MICOS10: variants seen among roughly 807,000 people sequenced by gnomAD.
MICOS10 encodes the protein mitochondrial contact site and cristae organizing system subunit 10.
MICOS10 carries 5 observed loss-of-function variants against 13.4 expected under a neutral mutation model. The ratio of observed to expected loss-of-function variants is 0.37; its 90% CI spans 0.20 to 0.78. The LOEUF (loss-of-function observed/expected upper bound fraction) is 0.78, where lower values mean the gene tolerates loss of function less well. Among genes scored for constraint, MICOS10 ranks in the 30% least tolerant of loss-of-function variants. The pLI is 0.47. For missense variants in MICOS10, 101 were observed against 94.6 expected (o/e 1.07, Z -0.28); for synonymous variants, 35 against 33.6 (o/e 1.04, Z -0.15).
At chr1:19,607,915 A>G (rs2094841484) in intron 1 of MICOS10, among the ~76,000 whole-genome samples, 2 of 152,214 alleles carry the variant, frequency 1.3e-5, no homozygotes, top group South Asian at 2.1e-4. Context: ...ACCCATACAT[A>G]CATGGTCAAT....
chr1:19,617,392 A>G, intron 1 of MICOS10: 1 of 797,848 alleles, frequency 1.3e-6, no homozygotes, highest in Non-Finnish European at 1.5e-6. Context: ...GCTCTTTGTC[A>G]GTGTTGACTT....
chr1:19,622,985 G>T (rs1012364218), intron 2 of MICOS10, among the ~76,000 whole-genome samples: 2 of 145,982 alleles, frequency 1.4e-5, no homozygotes. Context: ...GCAGTGGTGC[G>T]ATCTCAGCTC....
At chr1:19,624,379 C>T (rs182265717) in intron 3 of MICOS10, among the ~76,000 whole-genome samples, 30 of 152,066 alleles carry the variant, frequency 2.0e-4, no homozygotes, top group African/African-American at 5.8e-4. Context: ...CTCTGCCTCC[C>T]GGGTTCAAGC....
intron 1 of MICOS10, chr1:19,614,675 TC>T (rs1214052956): frequency 2.0e-5 from 3 of 152,272 alleles, no homozygotes; most frequent in Non-Finnish European, 4.4e-5. Context: ...AAAATGCTCT[TC>T]CTTTCCAAGC....
At position 19,621,184 on chromosome 1, in the gene MICOS10, C is replaced by G. The variant is rs530328009; in HGVS notation, c.65-916C>G. 7.9e-5 allele frequency among the ~76,000 whole-genome samples: 12 copies of G among 152,270 alleles called. No homozygotes were observed. The South Asian group carries it at 2.5e-3, about 32-fold the overall frequency. On this transcript the variant is annotated intron_variant, in intron 1 of 3. Coordinates refer to ENST00000322753, the MANE Select transcript of MICOS10 (RefSeq NM_001032363.4). ...ACAGCAGAGTCTTGCCAAGGAATAT[C>G]AGTATCAATGGCTTCCATGTCCCTG...
intron 1 of MICOS10, among the ~76,000 whole-genome samples, chr1:19,617,674 A>C (rs554328740): frequency 1.1e-4 from 17 of 152,330 alleles, no homozygotes; most frequent in African/African-American, 3.6e-4. Context: ...ATAAAAGCAC[A>C]TTCTTGTTTG....
intron 1 of MICOS10, among the ~76,000 whole-genome samples, chr1:19,618,112 C>CTTT (rs113033580): frequency 2.2e-5 from 3 of 138,246 alleles, no homozygotes; most frequent in Admixed American, 7.3e-5. Flanking sequence ...TTATACTACA[C>CTTT]TTTTTTTTTT....
chr1:19,603,775 G>T (rs2094824905), intron 1 of MICOS10, among the ~76,000 whole-genome samples: 2 of 152,186 alleles, frequency 1.3e-5, no homozygotes, highest in South Asian at 4.1e-4. Context: ...AGAGTGACAT[G>T]GTTGAATTTT....
chr1:19,605,771 C>G (rs2094832221), intron 1 of MICOS10, among the ~76,000 whole-genome samples: 1 of 152,126 alleles, frequency 6.6e-6, no homozygotes, highest in South Asian at 2.1e-4. Flanking sequence ...CCAGGCTGGT[C>G]TCAAATTCCT....
intron 1 of MICOS10, among the ~76,000 whole-genome samples, chr1:19,604,230 A>C (rs2094826540): frequency 6.6e-6 from 1 of 151,924 alleles, no homozygotes; most frequent in Admixed American, 6.6e-5. Flanking sequence ...CTGGAGGCTG[A>C]GTGTGGTGGC....
At chr1:19,599,277 A>C (rs577435583) in intron 1 of MICOS10, among the ~76,000 whole-genome samples, 1 of 152,060 alleles carries the variant, frequency 6.6e-6, no homozygotes, top group East Asian at 1.9e-4. Flanking sequence ...GGCCGGTCTC[A>C]AACTTCTGGG....
intron 1 of MICOS10, chr1:19,608,247 C>T (rs754544688): frequency 8.5e-6 from 12 of 1,419,342 alleles, no homozygotes; most frequent in Admixed American, 3.3e-5. Context: ...GTCCATGTCA[C>T]GGATCTTTCT....
intron 2 of MICOS10, 48 bp downstream of exon 2, chr1:19,622,195 T>C (rs754257342): frequency 2.7e-6 from 4 of 1,484,160 alleles, no homozygotes; most frequent in South Asian, 1.2e-5. Context: ...TGTATACATA[T>C]ACGTAGCAGG....
chr1:19,613,421 A>G (rs1436564012), intron 1 of MICOS10, among the ~76,000 whole-genome samples: 1 of 152,068 alleles, frequency 6.6e-6, no homozygotes, highest in Non-Finnish European at 1.5e-5. Flanking sequence ...TTTATCTCCT[A>G]CCTTACACTT....
intron 3 of MICOS10, chr1:19,625,383 C>T: frequency 7.8e-7 from 1 of 1,288,776 alleles, no homozygotes. Flanking sequence ...CCTGCACCTG[C>T]CATTTTAGAA....
intron 3 of MICOS10, chr1:19,625,564 G>A: frequency 1.6e-6 from 2 of 1,289,416 alleles, no homozygotes; most frequent in Non-Finnish European, 1.0e-6. Flanking sequence ...CCACTCCCTG[G>A]CTCCTCGCTT....
chr1:19,604,275 G>C (rs1318862139), intron 1 of MICOS10, among the ~76,000 whole-genome samples: 1 of 152,204 alleles, frequency 6.6e-6, no homozygotes, highest in East Asian at 1.9e-4. Flanking sequence ...GGGAGGCTGA[G>C]GTGGGTGGAT....
chr1:19,597,004 G>C lies in MICOS10; in HGVS notation c.-42G>C. On this transcript the variant is annotated 5_prime_UTR_variant, in exon 1 of 4. Coordinates refer to ENST00000322753, the MANE Select transcript of MICOS10 (RefSeq NM_001032363.4). Reference sequence around the variant, plus strand: ...GCGAGACTTTCAGGGGTCGGAGCGCGGGGGCCGGCCGAGAGGAAAGCTGGA... The same window carrying C: ...GCGAGACTTTCAGGGGTCGGAGCGCCGGGGCCGGCCGAGAGGAAAGCTGGA... 1 of 1,562,722 alleles carries C rather than the reference G, an allele frequency of 6.4e-7. No homozygotes were observed. The highest frequency in any genetic ancestry group is 8.6e-7 in the Non-Finnish European group (1 of 1,157,604).
chr1:19,626,173 C>T lies in MICOS10; in HGVS notation c.223-214C>T, dbSNP rs185687480. On this transcript the variant is annotated intron_variant, in intron 3 of 3. Coordinates refer to ENST00000322753, the MANE Select transcript of MICOS10 (RefSeq NM_001032363.4). ...CATGATGGTTTGGCCCTGTTCCACT[C>T]GTTTCCCACTCTTCTCCCTGGAAGA... Among the ~76,000 whole-genome samples the T allele has an allele frequency of 1.1e-4, 16 of 152,310 alleles. No homozygotes were observed. The East Asian group carries it at 2.9e-3, about 28-fold the overall frequency.
Sources: allele counts gnomAD v4.1 joint callset (sites outside exome capture counted in the v4.1 genomes callset), GRCh38; gene constraint gnomAD v4.1.1; transcripts MANE v1.5; gene names NCBI Gene and HGNC (gene_info 2026-07-23, HGNC 2026-07-21).